Variants in MARCHF4 observed in about 807,000 individuals in gnomAD.
The protein encoded by MARCHF4 is E3 ubiquitin-protein ligase MARCHF4.
MARCHF4 carries 14 observed loss-of-function variants against 43.9 expected under a neutral mutation model. The observed-to-expected ratio is 0.32, with a 90% confidence interval of 0.21 to 0.50. MARCHF4 has a LOEUF of 0.50. Ranked by LOEUF, MARCHF4 falls within the 20% of genes least tolerant of loss-of-function variation. MARCHF4 has a pLI of 0.98. For synonymous variants in MARCHF4, 226 were observed against 213.3 expected (o/e 1.06, Z -0.52); for missense variants, 468 against 536.7 (o/e 0.87, Z 1.27).
intron 1 of MARCHF4, among the ~76,000 whole-genome samples, chr2:216,294,883 A>C (rs2105946558): frequency 6.6e-6 from 1 of 152,340 alleles, no homozygotes; most frequent in African/African-American, 2.4e-5. Flanking sequence ...GTATGCAAGC[A>C]TTGACTGCTG....
At position 216,258,912 on chromosome 2, in the gene MARCHF4, A is replaced by G. The variant is rs206373; in HGVS notation, c.*400T>C. The G allele has an allele frequency of 0.6, 97,840 of 164,266 alleles. 32,569 individuals are homozygous for G. Among genetic ancestry groups the G allele is most frequent in the Non-Finnish European group, 0.75 (56,131 of 74,816 alleles). 10.2% of individuals were successfully genotyped at this position (164,266 alleles called of 1,614,324 possible). On this transcript the variant is annotated 3_prime_UTR_variant, in exon 4 of 4. Transcript: ENST00000273067. ...ACAAAACCAAACAGGGTGAGAGCAGAGCAGACCACAGATGCTTTTCCTCTT... is the reference window on the plus strand; with the variant it reads ...ACAAAACCAAACAGGGTGAGAGCAGGGCAGACCACAGATGCTTTTCCTCTT...
At chr2:216,280,699 G>C (rs1023832436) in intron 2 of MARCHF4, among the ~76,000 whole-genome samples, 1 of 152,138 alleles carries the variant, frequency 6.6e-6, no homozygotes. Flanking sequence ...GCCACCACTC[G>C]GTAGCTGTGT....
chr2:216,289,140 G>T (rs899505222), intron 1 of MARCHF4, among the ~76,000 whole-genome samples: 6 of 150,628 alleles, frequency 4.0e-5, no homozygotes, highest in Admixed American at 1.3e-4. Context: ...GCAGTGGCAC[G>T]ATCTCAGCTC....
At chr2:216,260,461 C>A (rs573264435) in intron 3 of MARCHF4, among the ~76,000 whole-genome samples, 1 of 152,232 alleles carries the variant, frequency 6.6e-6, no homozygotes, top group African/African-American at 2.4e-5. Context: ...TGGGAAAGGC[C>A]TTTTGGAGGA....
intron 1 of MARCHF4, among the ~76,000 whole-genome samples, chr2:216,359,814 T>C (rs6736295): frequency 0.43 from 65,532 of 152,046 alleles, 16,091 homozygotes; most frequent in East Asian, 0.66. Flanking sequence ...TTCCCCTAAG[T>C]TAGCTTTGGA....
chr2:216,264,953 C>G (rs560320483), intron 3 of MARCHF4, among the ~76,000 whole-genome samples: 140 of 152,284 alleles, frequency 9.2e-4, no homozygotes, highest in Non-Finnish European at 1.8e-3. Flanking sequence ...CCTTCCTCTG[C>G]TCCCTGCTCT....
intron 1 of MARCHF4, among the ~76,000 whole-genome samples, chr2:216,313,213 T>A (rs557018666): frequency 1.3e-5 from 2 of 152,248 alleles, no homozygotes; most frequent in East Asian, 3.9e-4. Context: ...TTTTTCTGGG[T>A]TCTCTATTCT....
chr2:216,290,157 A>G (rs937069817), intron 1 of MARCHF4, among the ~76,000 whole-genome samples: 1 of 152,220 alleles, frequency 6.6e-6, no homozygotes. Flanking sequence ...GGAGAAAAAT[A>G]AGCAGGGAAA....
At chr2:216,320,625 T>TTCTTTC (rs1691867196) in intron 1 of MARCHF4, among the ~76,000 whole-genome samples, 1 of 92,266 alleles carries the variant, frequency 1.1e-5, no homozygotes, top group Non-Finnish European at 2.2e-5. Flanking sequence ...CTTTCTTTCT[T>TTCTTTC]TCTTTCTTTC....
At position 216,370,539 on chromosome 2, in the gene MARCHF4, T is replaced by C. The variant is rs1013630857; in HGVS notation, c.-279A>G. ...CTCCAACTTTGTTCAGTGTGTCTCC[T>C]TTCTGCTTTTGACCTGAGGACACTG... is the stretch of plus-strand genomic sequence containing the variant. On this transcript the variant is annotated 5_prime_UTR_variant, in exon 1 of 4. Coordinates refer to ENST00000273067, the MANE Select transcript of MARCHF4 (RefSeq NM_020814.3). 1.1e-5 allele frequency: 4 copies of C among 354,316 alleles called. No homozygotes were observed. The highest frequency in any genetic ancestry group is 4.3e-5 in the Admixed American group (1 of 23,236). The allele number at this position is 354,316 out of a possible 1,614,324, so 21.9% of individuals were successfully genotyped here.
At chr2:216,358,990 A>C (rs929670321) in intron 1 of MARCHF4, among the ~76,000 whole-genome samples, 15 of 152,238 alleles carry the variant, frequency 9.9e-5, no homozygotes, top group African/African-American at 3.4e-4. Context: ...GGCTTCACTC[A>C]AGAATACCCT....
chr2:216,336,667 C>T (rs768336046), intron 1 of MARCHF4, among the ~76,000 whole-genome samples: 2 of 141,510 alleles, frequency 1.4e-5, no homozygotes, highest in African/African-American at 2.6e-5. Context: ...GGAAAAATGG[C>T]TTTAGATCGA....
At chr2:216,283,529 G>C (rs1168911248) in intron 2 of MARCHF4, 45 bp downstream of exon 2, 1 of 1,535,288 alleles carries the variant, frequency 6.5e-7, no homozygotes, top group South Asian at 1.3e-5. Flanking sequence ...AGGTGGTGTG[G>C]AAGCCCCAGG....
rs1692755154 is a variant in MARCHF4 at position 216,371,252 on chromosome 2, G to A, written c.-992C>T. 1 of 152,942 alleles carries A rather than the reference G, an allele frequency of 6.5e-6. No homozygotes were observed. The highest frequency in any genetic ancestry group is 1.5e-5 in the Non-Finnish European group (1 of 68,418). 9.5% of individuals were successfully genotyped at this position (152,942 alleles called of 1,614,324 possible). A position where few individuals can be genotyped will look rare whatever the true frequency, so the allele number is the denominator to read the frequency against. On this transcript the variant is annotated 5_prime_UTR_variant, in exon 1 of 4. Coordinates refer to ENST00000273067, the MANE Select transcript of MARCHF4 (RefSeq NM_020814.3). ...GAGAGGGGCGTGTGGGAGAGAACAG[G>A]AGAAAGGAGTGGTTACATTATCTCA...
At chr2:216,348,092 C>T (rs929432413) in intron 1 of MARCHF4, among the ~76,000 whole-genome samples, 4 of 141,268 alleles carry the variant, frequency 2.8e-5, no homozygotes, top group African/African-American at 1.1e-4. Context: ...GGCTGGAGTG[C>T]AATGGCGTGA....
intron 1 of MARCHF4, among the ~76,000 whole-genome samples, chr2:216,316,394 T>C (rs758460010): frequency 2.3e-4 from 35 of 152,232 alleles, no homozygotes; most frequent in Middle Eastern, 3.4e-3. Context: ...CTCTTGAACA[T>C]GTGGGAAAAT....
At chr2:216,365,846 A>C (rs1692658165) in intron 1 of MARCHF4, among the ~76,000 whole-genome samples, 3 of 152,336 alleles carry the variant, frequency 2.0e-5, no homozygotes, top group Non-Finnish European at 4.4e-5. Context: ...TGAGACTCCC[A>C]GAGGGCAGGA....
intron 3 of MARCHF4, among the ~76,000 whole-genome samples, chr2:216,274,942 T>C (rs1188822981): frequency 6.6e-6 from 1 of 152,206 alleles, no homozygotes; most frequent in Admixed American, 6.5e-5. Context: ...TAAATGTCAA[T>C]AGATCTCACC....
At chr2:216,279,696 AGACATAG>A (rs1026996452) in intron 2 of MARCHF4, among the ~76,000 whole-genome samples, 3 of 152,240 alleles carry the variant, frequency 2.0e-5, no homozygotes, top group Non-Finnish European at 2.9e-5. Flanking sequence ...TTGCTGGTCC[AGACATAG>A]GACATCAGCG....
Sources: gnomAD v4.1 joint callset for allele counts (sites outside exome capture counted in the v4.1 genomes callset) on GRCh38, gnomAD v4.1.1 for gene constraint, MANE v1.5 for transcripts, NCBI Gene and HGNC (gene_info 2026-07-23, HGNC 2026-07-21) for gene names.